HNRNPH3: variants seen among roughly 807,000 people sequenced by gnomAD.
HNRNPH3 encodes the protein heterogeneous nuclear ribonucleoprotein 2H9.
In HNRNPH3, 7 loss-of-function variants were observed where a neutral mutation model predicts 47.0. The ratio of observed to expected loss-of-function variants is 0.15; its 90% CI spans 0.08 to 0.28. The LOEUF (loss-of-function observed/expected upper bound fraction) is 0.28. HNRNPH3 is among the 10% of genes least tolerant of loss of function. The pLI is 1.00. For missense variants in HNRNPH3, 279 were observed against 449.6 expected (o/e 0.62, Z 3.43); for synonymous variants, 120 against 143.2 (o/e 0.84, Z 1.16).
chr10:68,338,254 C>T (rs2045638177), intron 3 of HNRNPH3: 2 of 451,792 alleles, frequency 4.4e-6, no homozygotes, highest in Admixed American at 7.5e-5. Flanking sequence ...TCCTTTAAAA[C>T]ACCTATTATG....
chr10:68,341,604 C>T lies in HNRNPH3; in HGVS notation c.795C>T (p.Leu265=). 1.2e-6 allele frequency: 2 copies of T among 1,611,990 alleles called. No individual in the cohort carries two copies. Among genetic ancestry groups the T allele is most frequent in the Non-Finnish European group, 1.7e-6 (2 of 1,178,372 alleles). Residue 265 remains leucine, a synonymous_variant, in exon 8 of 10, where the codon CTC becomes CTT. Transcript: ENST00000265866. ...KNNMQHRYIE[L]FLNSTPGGGS... ...TTAAAGAACATCGATATATTGAACTCTTCTTGAATTCTACTCCTGGAGGCG... is the reference window on the plus strand; with the variant it reads ...TTAAAGAACATCGATATATTGAACTTTTCTTGAATTCTACTCCTGGAGGCG...
chr10:68,341,550 T>C (rs2045943068), intron 7 of HNRNPH3, 35 bp from the exon 8 acceptor site: 5 of 1,396,098 alleles, frequency 3.6e-6, no homozygotes, highest in Non-Finnish European at 3.0e-6. Context: ...CCATCATTCC[T>C]TTCTCCCCTG....
Position 68,337,526 on chromosome 10 carries a change from T to G in HNRNPH3, c.112+193T>G. ...ATGTGTAGAATATGTAAAACCTAGTTAATGTGCAGTAACATATTTGAGAAT... is the reference window on the plus strand; with the variant it reads ...ATGTGTAGAATATGTAAAACCTAGTGAATGTGCAGTAACATATTTGAGAAT... On this transcript the variant is annotated intron_variant, in intron 2 of 9. Transcript: ENST00000265866. The surrounding 1 kb of genome is among the most constrained non-coding windows in gnomAD (Gnocchi z 4.5). 1 of 560,148 alleles carries G rather than the reference T, an allele frequency of 1.8e-6. No individual in the cohort carries two copies. The highest frequency in any genetic ancestry group is 2.9e-5 in the East Asian group (1 of 34,664). The allele number at this position is 560,148 out of a possible 1,614,324, so 34.7% of individuals were successfully genotyped here.
chr10:68,339,227 G>GT lies in HNRNPH3; in HGVS notation c.523+2dup. 1 of 1,585,396 alleles carries GT rather than the reference G, an allele frequency of 6.3e-7. No individual in the cohort carries two copies. The highest frequency in any genetic ancestry group is 8.7e-7 in the Non-Finnish European group (1 of 1,155,084). On this transcript the variant is annotated splice_donor_variant, in intron 5 of 9. Transcript: ENST00000265866. ...GATGACAGAATGAGAGATGGAAGAGGTAAAATAAATATTAAAGACATTTTT... is the reference window on the plus strand; with the variant it reads ...GATGACAGAATGAGAGATGGAAGAGGTTAAAATAAATATTAAAGACATTTTT...
At chr10:68,334,911 A>T (rs908615280) in intron 1 of HNRNPH3, among the ~76,000 whole-genome samples, 1 of 152,062 alleles carries the variant, frequency 6.6e-6, no homozygotes, top group Admixed American at 6.6e-5. Context: ...CTGTGCCCTT[A>T]GAGTTTTTCT....
rs2046018901 is a variant in HNRNPH3 at position 68,342,374 on chromosome 10, TGTG to T, written c.*324_*326del. ...TTACTATTAGTTCTACAAGAAGTAG[TGTG>T]GTGTAATTTTAGAGGATAATGGTTC... On this transcript the variant is annotated 3_prime_UTR_variant, in exon 10 of 10. Transcript: ENST00000265866. The T allele has an allele frequency of 4.6e-6, 1 of 215,386 alleles. No homozygotes were observed. Among genetic ancestry groups the T allele is most frequent in the African/African-American group, 2.3e-5 (1 of 43,054 alleles). 13.3% of individuals were successfully genotyped at this position (215,386 alleles called of 1,614,324 possible).
chr10:68,335,394 T>A (rs1425556049), intron 1 of HNRNPH3, among the ~76,000 whole-genome samples: 1 of 151,534 alleles, frequency 6.6e-6, no homozygotes, highest in Non-Finnish European at 1.5e-5. Flanking sequence ...AATCACCGTT[T>A]ATGGGAAACA....
intron 1 of HNRNPH3, among the ~76,000 whole-genome samples, chr10:68,335,230 C>G (rs917022902): frequency 7.1e-6 from 1 of 141,364 alleles, no homozygotes; most frequent in Non-Finnish European, 1.5e-5. Flanking sequence ...TTTTCTTTTT[C>G]TTTTCTTTTT....
At position 68,343,079 on chromosome 10, in the gene HNRNPH3, T is replaced by C. The variant is rs2046061042; in HGVS notation, c.*1025T>C. The C allele has an allele frequency of 6.6e-6, 1 of 152,234 alleles. No individual in the cohort carries two copies. The allele number at this position is 152,234 out of a possible 1,614,324, so 9.4% of individuals were successfully genotyped here. A position where few individuals can be genotyped will look rare whatever the true frequency, so the allele number is the denominator to read the frequency against. ...TAATCCCTTTGATCAATATGGCTTT[T>C]TTCCAAATTGGCTAATGGATCAAAA... On this transcript the variant is annotated 3_prime_UTR_variant, in exon 10 of 10. Transcript: ENST00000265866.
chr10:68,341,265 A>C lies in HNRNPH3; in HGVS notation c.731A>C (p.His244Pro). 6.2e-7 allele frequency: 1 copy of C among 1,606,678 alleles called. No individual in the cohort carries two copies. Among genetic ancestry groups the C allele is most frequent in the Non-Finnish European group, 8.5e-7 (1 of 1,178,290 alleles). Residue 244 changes from histidine to proline, a missense_variant, in exon 7 of 10, where the codon CAT becomes CCT. Physicochemically the swap from His to Pro is moderately conservative, Grantham distance 77. Coordinates refer to ENST00000265866, the MANE Select transcript of HNRNPH3 (RefSeq NM_012207.3). ...GAAGCAGATGTAGAGTTTGTGACACATGAAGATGCAGTAGCTGCCATGTCT... is the reference window on the plus strand; with the variant it reads ...GAAGCAGATGTAGAGTTTGTGACACCTGAAGATGCAGTAGCTGCCATGTCT... ...TGEADVEFVT[H>P]EDAVAAMSKD... is the part of the protein sequence containing the mutation.
rs1257892001 is a variant in HNRNPH3, at chr10:68,340,088, G to A, written c.639+533G>A. ...CTTGCTCTGTCGCCCAGGCTAGAGT[G>A]CAGTGGCGCGATCTCGGCTCACTGC... On this transcript the variant is annotated intron_variant, in intron 6 of 9. Transcript: ENST00000265866. Among the ~76,000 whole-genome samples, 3 of 152,208 alleles carry A rather than the reference G, an allele frequency of 2.0e-5. No individual in the cohort carries two copies. The East Asian group carries it at 5.8e-4, about 29-fold the overall frequency.
Position 68,341,629 on chromosome 10 carries a change from G to A in HNRNPH3, c.820G>A (p.Gly274Ser), listed in dbSNP as rs150055889. ...ELFLNSTPGG[G>S]SGMGGSGMGG... is the part of the protein sequence containing the mutation. ...CTTCTTGAATTCTACTCCTGGAGGCGGCTCTGGCATGGGAGGTTCTGGAAT... is the reference window on the plus strand; with the variant it reads ...CTTCTTGAATTCTACTCCTGGAGGCAGCTCTGGCATGGGAGGTTCTGGAAT... Residue 274 changes from glycine (G) to serine (S), a missense_variant, in exon 8 of 10, where the codon GGC becomes AGC. This residue lies in a region of HNRNPH3 where 239 missense variants were observed against 335.8 expected (regional missense o/e 0.71). Coordinates refer to ENST00000265866, the MANE Select transcript of HNRNPH3 (RefSeq NM_012207.3). 2.6e-5 allele frequency: 42 copies of A among 1,613,594 alleles called. No homozygotes were observed. In the African/African-American group the frequency reaches 2.9e-4, roughly 11 times the overall value.
chr10:68,337,767 TTAGAC>T lies in HNRNPH3; in HGVS notation c.113-89_113-85del. 9 of 1,192,708 alleles carry T rather than the reference TTAGAC, an allele frequency of 7.5e-6. No homozygotes were observed. Among genetic ancestry groups the T allele is most frequent in the East Asian group, 2.4e-5 (1 of 41,954 alleles). 73.9% of individuals were successfully genotyped at this position (1,192,708 alleles called of 1,614,324 possible). A position where few individuals can be genotyped will look rare whatever the true frequency, so the allele number is the denominator to read the frequency against. ...GCTTTTTTGTTTTGTTTTGTTTTGT[TTAGAC>T]TTGTTTTAAATATTTGATTCAGATG... is the stretch of plus-strand genomic sequence containing the variant. On this transcript the variant is annotated intron_variant, in intron 2 of 9. Coordinates refer to ENST00000265866, the MANE Select transcript of HNRNPH3 (RefSeq NM_012207.3). The surrounding 1 kb of genome is among the most constrained non-coding windows in gnomAD (Gnocchi z 4.5).
chr10:68,333,200 TC>T lies in HNRNPH3; in HGVS notation c.-24+985del, dbSNP rs532044114. Among the ~76,000 whole-genome samples the T allele has an allele frequency of 1.3e-3, 176 of 136,948 alleles. 2 individuals are homozygous for T. The highest frequency in any genetic ancestry group is 5.2e-3 in the South Asian group (24 of 4,610). 89.8% of individuals were successfully genotyped at this position (136,948 alleles called of 152,430 possible). On this transcript the variant is annotated intron_variant, in intron 1 of 9. Coordinates refer to ENST00000265866, the MANE Select transcript of HNRNPH3 (RefSeq NM_012207.3). ...TGTGAGCAGAAAAGTGGGTGATTTATCAAATAGGAATGTGAAATGGGCATGT... is the reference window on the plus strand; with the variant it reads ...TGTGAGCAGAAAAGTGGGTGATTTATAAATAGGAATGTGAAATGGGCATGT...
intron 1 of HNRNPH3, among the ~76,000 whole-genome samples, chr10:68,335,235 CTTTT>C (rs72408822): frequency 2.2e-5 from 3 of 136,758 alleles, no homozygotes; most frequent in Non-Finnish European, 3.2e-5. Context: ...TTTTTCTTTT[CTTTT>C]TTTTTTTTTT....
At chr10:68,338,409 C>T in intron 3 of HNRNPH3, 94 bp from the exon 4 acceptor site, 1 of 659,230 alleles carries the variant, frequency 1.5e-6, no homozygotes. Context: ...GGTTATGTAT[C>T]TAGATATAGA....
At chr10:68,333,297 A>T (rs567469830) in intron 1 of HNRNPH3, among the ~76,000 whole-genome samples, 4 of 151,626 alleles carry the variant, frequency 2.6e-5, no homozygotes, top group African/African-American at 9.7e-5. Flanking sequence ...GGGGTGGGTG[A>T]TGTAGCAATT....
chr10:68,333,940 G>A (rs561102916), intron 1 of HNRNPH3, among the ~76,000 whole-genome samples: 32 of 152,282 alleles, frequency 2.1e-4, no homozygotes, highest in Middle Eastern at 6.8e-3. Flanking sequence ...AGTTATATAT[G>A]ATATAACAAA....
At chr10:68,341,095 A>G in intron 6 of HNRNPH3, 79 bp from the exon 7 acceptor site, 1 of 1,013,916 alleles carries the variant, frequency 9.9e-7, no homozygotes, top group Non-Finnish European at 1.4e-6. Context: ...GTTTTAATTG[A>G]TGAGGAAAAA....
Sources: allele counts gnomAD v4.1 joint callset (sites outside exome capture counted in the v4.1 genomes callset), GRCh38; gene constraint gnomAD v4.1.1; regional missense constraint gnomAD v4.1.1; non-coding constraint Gnocchi (gnomAD v3.1); transcripts MANE v1.5; gene names NCBI Gene and HGNC (gene_info 2026-07-23, HGNC 2026-07-21).